GALNT13: variants seen among roughly 807,000 people sequenced by gnomAD.
GALNT13 encodes the protein polypeptide N-acetylgalactosaminyltransferase 13.
In GALNT13, 28 loss-of-function variants were observed where a neutral mutation model predicts 64.2. The observed-to-expected ratio is 0.44, with a 90% CI of 0.32 to 0.60. The LOEUF (loss-of-function observed/expected upper bound fraction) is 0.60. Among genes scored for constraint, GALNT13 ranks in the 20% least tolerant of loss-of-function variants. The pLI is 0.05. For synonymous variants in GALNT13, 214 were observed against 224.6 expected (o/e 0.95, Z 0.42); for missense variants, 577 against 669.8 (o/e 0.86, Z 1.53).
chr2:154,223,666 G>A (rs2105827528), intron 4 of GALNT13, among the ~76,000 whole-genome samples: 1 of 151,856 alleles, frequency 6.6e-6, no homozygotes, highest in South Asian at 2.1e-4. Flanking sequence ...GGTCAGACTG[G>A]TCTCGAATAA....
At chr2:153,364,620 G>A in the GALNT13 span, among the ~76,000 whole-genome samples, 8 of 152,188 alleles carry the variant, frequency 5.3e-5, no homozygotes, top group East Asian at 1.4e-3. Flanking sequence ...AATCATGAAT[G>A]GACTCTCATT....
At chr2:154,077,832 G>C (rs1701066335) in intron 3 of GALNT13, among the ~76,000 whole-genome samples, 1 of 151,354 alleles carries the variant, frequency 6.6e-6, no homozygotes, top group African/African-American at 2.4e-5. Flanking sequence ...GTCCACATGG[G>C]GGAAGGTTAC....
intron 9 of GALNT13, among the ~76,000 whole-genome samples, chr2:154,363,278 A>G (rs1425255875): frequency 6.6e-6 from 1 of 152,200 alleles, no homozygotes; most frequent in Non-Finnish European, 1.5e-5. Flanking sequence ...AGTATGGCTT[A>G]GATATTCTCA....
At chr2:153,685,187 T>C in the GALNT13 span, among the ~76,000 whole-genome samples, 1 of 151,974 alleles carries the variant, frequency 6.6e-6, no homozygotes, top group African/African-American at 2.4e-5. Context: ...GATAGTTGGG[T>C]CAAATTGTAT....
chr2:154,295,348 T>TTTTTTTTATTTATTTATTTA (rs1553510429), intron 8 of GALNT13, among the ~76,000 whole-genome samples: 9 of 142,222 alleles, frequency 6.3e-5, no homozygotes, highest in Non-Finnish European at 1.2e-4. Flanking sequence ...ATTCTTTTTA[T>TTTTTTTTATTTATTTATTTA]TTTATTTATT....
chr2:154,173,505 G>A (rs1685480879), intron 4 of GALNT13, among the ~76,000 whole-genome samples: 2 of 151,870 alleles, frequency 1.3e-5, no homozygotes, highest in Non-Finnish European at 2.9e-5. Flanking sequence ...AGTATTTTCT[G>A]TGTAAGACTT....
the GALNT13 span, among the ~76,000 whole-genome samples, chr2:153,192,730 C>T: frequency 6.6e-6 from 1 of 151,980 alleles, no homozygotes; most frequent in Non-Finnish European, 1.5e-5. Context: ...GAATTGCTCC[C>T]TTTGTCATTA....
At chr2:153,510,518 C>T in the GALNT13 span, among the ~76,000 whole-genome samples, 3 of 152,006 alleles carry the variant, frequency 2.0e-5, no homozygotes, top group Admixed American at 1.3e-4. Flanking sequence ...GGAGTGTAGG[C>T]TAAGGAGGTG....
At chr2:153,833,704 G>T in the GALNT13 span, among the ~76,000 whole-genome samples, 1 of 152,066 alleles carries the variant, frequency 6.6e-6, no homozygotes, top group East Asian at 1.9e-4. Flanking sequence ...ATAGACAAGG[G>T]AAGACTACTT....
chr2:153,696,882 T>C, the GALNT13 span, among the ~76,000 whole-genome samples: 39 of 152,184 alleles, frequency 2.6e-4, no homozygotes, highest in African/African-American at 9.2e-4. Context: ...AAATGTGAGA[T>C]CTACATTTCT....
the GALNT13 span, among the ~76,000 whole-genome samples, chr2:153,655,537 C>T: frequency 1.5e-3 from 222 of 152,090 alleles, no homozygotes; most frequent in African/African-American, 5.2e-3. Flanking sequence ...ACATGAGAAT[C>T]GTGGATAGCT....
chr2:153,386,419 C>A, the GALNT13 span, among the ~76,000 whole-genome samples: 1 of 151,728 alleles, frequency 6.6e-6, no homozygotes, highest in South Asian at 2.1e-4. Context: ...AATGAGCTTT[C>A]AAAAAACAAA....
At chr2:153,873,420 G>T in intron 1 of GALNT13, among the ~76,000 whole-genome samples, 1 of 152,316 alleles carries the variant, frequency 6.6e-6, no homozygotes, top group South Asian at 2.1e-4. Context: ...TTTGACTATG[G>T]TTAGTTGAAT....
the GALNT13 span, among the ~76,000 whole-genome samples, chr2:153,629,569 A>T: frequency 6.6e-6 from 1 of 152,220 alleles, no homozygotes; most frequent in Non-Finnish European, 1.5e-5. Flanking sequence ...AGTCATTACC[A>T]TTCAGGACAT....
At chr2:153,344,860 A>G in the GALNT13 span, among the ~76,000 whole-genome samples, 1 of 152,224 alleles carries the variant, frequency 6.6e-6, no homozygotes, top group Non-Finnish European at 1.5e-5. Context: ...AGTTATACAC[A>G]TTAAATGTAT....
the GALNT13 span, among the ~76,000 whole-genome samples, chr2:153,718,452 T>C: frequency 9.2e-5 from 14 of 152,000 alleles, no homozygotes; most frequent in African/African-American, 3.4e-4. Flanking sequence ...TTTTGTTTTG[T>C]TTTTAATTTT....
the GALNT13 span, among the ~76,000 whole-genome samples, chr2:153,773,877 A>G: frequency 6.6e-6 from 1 of 152,164 alleles, no homozygotes; most frequent in African/African-American, 2.4e-5. Flanking sequence ...CAAGACAATT[A>G]TATATAGCTC....
At chr2:153,174,217 G>T in the GALNT13 span, among the ~76,000 whole-genome samples, 28 of 152,138 alleles carry the variant, frequency 1.8e-4, no homozygotes, top group African/African-American at 6.8e-4. Context: ...ACCCTGGGGG[G>T]TCATTCTTCC....
At chr2:153,676,783 G>A in the GALNT13 span, among the ~76,000 whole-genome samples, 7 of 151,940 alleles carry the variant, frequency 4.6e-5, no homozygotes, top group East Asian at 1.9e-4. Context: ...AAACCACATC[G>A]TTATCTCAGT....
Sources: allele counts gnomAD v4.1 joint callset (sites outside exome capture counted in the v4.1 genomes callset), GRCh38; gene constraint gnomAD v4.1.1; transcripts MANE v1.5; gene names NCBI Gene and HGNC (gene_info 2026-07-23, HGNC 2026-07-21).